RIT2: variants seen among roughly 807,000 people sequenced by gnomAD.
RIT2 encodes the protein GTP-binding protein Rit2.
Under a neutral mutation model 23.7 loss-of-function variants are expected in RIT2, and 24 were observed. The observed-to-expected ratio is 1.01, with a 90% CI of 0.73 to 1.43. The LOEUF (loss-of-function observed/expected upper bound fraction) is 1.43. RIT2 is among the 40% of genes most tolerant of loss of function. The pLI is 0.00. For synonymous variants in RIT2, 107 were observed against 91.1 expected, an observed-to-expected ratio of 1.17 and a Z score of -0.99; for missense variants, 236 against 266.9, an observed-to-expected ratio of 0.88 and a Z score of 0.81.
intron 1 of RIT2, among the ~76,000 whole-genome samples, chr18:43,101,574 C>A (rs1392522907): frequency 6.6e-6 from 1 of 152,168 alleles, no homozygotes; most frequent in African/African-American, 2.4e-5. Context: ...AGCAAAGTCA[C>A]TTGATTAATT....
chr18:42,968,286 T>C (rs1316074552), intron 3 of RIT2, among the ~76,000 whole-genome samples: 1 of 152,204 alleles, frequency 6.6e-6, no homozygotes, highest in African/African-American at 2.4e-5. Flanking sequence ...TAATTCAAAC[T>C]GGAACACCTT....
At chr18:42,815,440 T>C (rs1905967898) in intron 4 of RIT2, among the ~76,000 whole-genome samples, 1 of 151,950 alleles carries the variant, frequency 6.6e-6, no homozygotes, top group South Asian at 2.1e-4. Flanking sequence ...AATGAGAAAA[T>C]ATGAACAAAG....
chr18:42,982,726 G>T (rs569615960), intron 2 of RIT2, among the ~76,000 whole-genome samples: 8 of 152,086 alleles, frequency 5.3e-5, no homozygotes, highest in African/African-American at 1.9e-4. Context: ...TGTCTTTTGA[G>T]ATTATTATCC....
intron 3 of RIT2, among the ~76,000 whole-genome samples, chr18:42,972,147 A>C (rs9946080): frequency 6.6e-6 from 1 of 151,702 alleles, no homozygotes; most frequent in Non-Finnish European, 1.5e-5. Context: ...AATTTAACCT[A>C]CTCAATGTTC....
At chr18:43,032,194 T>C (rs1158344357) in intron 2 of RIT2, among the ~76,000 whole-genome samples, 1 of 152,102 alleles carries the variant, frequency 6.6e-6, no homozygotes. Flanking sequence ...CCAGGTATCT[T>C]AATCTCAAGT....
chr18:42,814,695 G>C (rs1410979571), intron 4 of RIT2, among the ~76,000 whole-genome samples: 1 of 152,122 alleles, frequency 6.6e-6, no homozygotes. Context: ...CCCACCACCT[G>C]TTCCTCCCCA....
chr18:42,784,313 A>T (rs183245138), intron 4 of RIT2, among the ~76,000 whole-genome samples: 59 of 151,516 alleles, frequency 3.9e-4, no homozygotes, highest in African/African-American at 1.4e-3. Context: ...ATGAAAGATA[A>T]AGGCAAGAGA....
At chr18:42,771,999 A>G (rs1361763488) in intron 4 of RIT2, among the ~76,000 whole-genome samples, 1 of 152,154 alleles carries the variant, frequency 6.6e-6, no homozygotes, top group Non-Finnish European at 1.5e-5. Flanking sequence ...TTGAATAGTG[A>G]TAGTGCAAGC....
intron 4 of RIT2, among the ~76,000 whole-genome samples, chr18:42,805,349 G>A (rs1905653371): frequency 6.6e-6 from 1 of 152,062 alleles, no homozygotes; most frequent in Non-Finnish European, 1.5e-5. Context: ...AATGTAATAT[G>A]TTGCAAGATA....
chr18:43,071,550 T>C (rs975686943), intron 1 of RIT2, among the ~76,000 whole-genome samples: 12 of 152,194 alleles, frequency 7.9e-5, no homozygotes, highest in Admixed American at 6.5e-4. Flanking sequence ...AAGGCTTTGT[T>C]ACCAGTACAC....
At chr18:42,943,077 G>A (rs1453801643) in intron 3 of RIT2, among the ~76,000 whole-genome samples, 2 of 152,100 alleles carry the variant, frequency 1.3e-5, no homozygotes, top group Non-Finnish European at 2.9e-5. Flanking sequence ...AAGAGGGAAA[G>A]AACAAAGCTC....
intron 3 of RIT2, among the ~76,000 whole-genome samples, chr18:42,933,712 A>G (rs1354540582): frequency 6.6e-6 from 1 of 152,098 alleles, no homozygotes; most frequent in Non-Finnish European, 1.5e-5. Flanking sequence ...GCCATGCTGA[A>G]CTGTAAGTCA....
chr18:42,930,653 G>A (rs1909304288), intron 3 of RIT2, among the ~76,000 whole-genome samples: 1 of 152,062 alleles, frequency 6.6e-6, no homozygotes, highest in Non-Finnish European at 1.5e-5. Context: ...TAACTTAAGG[G>A]CCATCATGTC....
At chr18:42,933,413 G>A (rs1026553021) in intron 3 of RIT2, among the ~76,000 whole-genome samples, 4 of 152,046 alleles carry the variant, frequency 2.6e-5, no homozygotes, top group Non-Finnish European at 5.9e-5. Context: ...TTGTGAAATG[G>A]TTTGGCTGTG....
At chr18:43,109,710 CACCATGAG>C (rs984225251) in intron 1 of RIT2, among the ~76,000 whole-genome samples, 1 of 152,136 alleles carries the variant, frequency 6.6e-6, no homozygotes, top group Non-Finnish European at 1.5e-5. Context: ...GCAAATTTTC[CACCATGAG>C]ATGGTGCACT....
At chr18:43,099,652 C>T (rs1006565089) in intron 1 of RIT2, among the ~76,000 whole-genome samples, 15 of 152,064 alleles carry the variant, frequency 9.9e-5, no homozygotes, top group Non-Finnish European at 2.2e-4. Context: ...ATCATAAACA[C>T]ATGTGTATTT....
At chr18:42,999,890 T>A (rs564473870) in intron 2 of RIT2, among the ~76,000 whole-genome samples, 1 of 152,182 alleles carries the variant, frequency 6.6e-6, no homozygotes, top group East Asian at 1.9e-4. Context: ...AATCAAAAGA[T>A]CACACTAACA....
intron 2 of RIT2, among the ~76,000 whole-genome samples, chr18:42,999,974 G>A (rs1395636818): frequency 6.6e-6 from 1 of 152,020 alleles, no homozygotes; most frequent in Non-Finnish European, 1.5e-5. Context: ...CCAATGGAGT[G>A]AAAAATCTCC....
chr18:42,779,614 A>T (rs1332871909), intron 4 of RIT2, among the ~76,000 whole-genome samples: 1 of 152,220 alleles, frequency 6.6e-6, no homozygotes, highest in East Asian at 1.9e-4. Context: ...TAATAACAGG[A>T]ACTGTGAAAT....
Sources: allele counts gnomAD v4.1 joint callset (sites outside exome capture counted in the v4.1 genomes callset), GRCh38; gene constraint gnomAD v4.1.1; transcripts MANE v1.5; gene names NCBI Gene and HGNC (gene_info 2026-07-23, HGNC 2026-07-21).